The following PTPN9 variants were observed in gnomAD, a reference collection of about 807,000 sequenced individuals.
PTPN9 encodes tyrosine-protein phosphatase non-receptor type 9.
In PTPN9, 26 loss-of-function variants were observed where a neutral mutation model predicts 69.8. The ratio of observed to expected loss-of-function variants is 0.37; its 90% confidence interval spans 0.27 to 0.52. The LOEUF is 0.52. Ranked by LOEUF, PTPN9 falls within the 20% of genes least tolerant of loss-of-function variation. The pLI, the probability that PTPN9 is intolerant of heterozygous loss-of-function variation, is 0.91. For missense variants in PTPN9, 549 were observed against 740.3 expected (o/e 0.74, Z 3.00); for synonymous variants, 274 against 272.5 (o/e 1.01, Z -0.05).
chr15:75,513,186 C>T (rs746431757), intron 5 of PTPN9: 49 of 445,592 alleles, frequency 1.1e-4, no homozygotes, highest in Non-Finnish European at 1.2e-4. Flanking sequence ...AAAAAAGAGA[C>T]GTAATAGCTT....
At chr15:75,527,050 G>A in intron 2 of PTPN9, 68 bp downstream of exon 2, 1 of 1,572,140 alleles carries the variant, frequency 6.4e-7, no homozygotes, top group African/African-American at 1.3e-5. Context: ...TGTGTGTCGA[G>A]CATGACAGGG....
At chr15:75,527,470 G>A (rs76312251) in intron 1 of PTPN9, among the ~76,000 whole-genome samples, 2,322 of 152,244 alleles carry the variant, frequency 0.015, 37 homozygotes, top group Middle Eastern at 0.045. Flanking sequence ...CCAGAAGCCA[G>A]ATCTAGGTTC....
At chr15:75,527,079 C>G in intron 2 of PTPN9, 39 bp downstream of exon 2, 1 of 1,612,476 alleles carries the variant, frequency 6.2e-7, no homozygotes, top group Non-Finnish European at 8.5e-7. Context: ...AACACTTAAC[C>G]CAACTGCCAC....
At chr15:75,520,020 C>A (rs1055780206) in intron 4 of PTPN9, among the ~76,000 whole-genome samples, 1 of 152,090 alleles carries the variant, frequency 6.6e-6, no homozygotes, top group African/African-American at 2.4e-5. Flanking sequence ...GTCCCAGCTC[C>A]TTGGGAGACA....
intron 1 of PTPN9, among the ~76,000 whole-genome samples, chr15:75,555,753 C>A (rs1340496064): frequency 6.6e-6 from 1 of 152,004 alleles, no homozygotes; most frequent in Non-Finnish European, 1.5e-5. Context: ...AATCCACCCA[C>A]CTCGGCTTCC....
intron 1 of PTPN9, among the ~76,000 whole-genome samples, chr15:75,566,760 G>A (rs1184560564): frequency 6.6e-6 from 1 of 152,072 alleles, no homozygotes; most frequent in East Asian, 1.9e-4. Context: ...GGCTGAAGCG[G>A]AAGGATAGCT....
intron 8 of PTPN9, among the ~76,000 whole-genome samples, chr15:75,489,739 A>T (rs937630844): frequency 3.3e-5 from 5 of 152,238 alleles, no homozygotes; most frequent in African/African-American, 4.8e-5. Context: ...ATATTAAATA[A>T]TATAGTCATT....
chr15:75,496,280 TAAA>T (rs748668415), intron 7 of PTPN9, among the ~76,000 whole-genome samples: 1 of 138,560 alleles, frequency 7.2e-6, no homozygotes. Flanking sequence ...TTCTAAAAAT[TAAA>T]AAAAAAAAAA....
At chr15:75,560,139 CAAA>C (rs34674711) in intron 1 of PTPN9, among the ~76,000 whole-genome samples, 8 of 132,280 alleles carry the variant, frequency 6.0e-5, no homozygotes, top group South Asian at 2.5e-4. Context: ...GACTCCATCT[CAAA>C]AAAAAAAAAA....
intron 5 of PTPN9, among the ~76,000 whole-genome samples, chr15:75,514,251 G>A (rs903758885): frequency 6.6e-6 from 1 of 151,058 alleles, no homozygotes. Flanking sequence ...CCACACCCAT[G>A]AAAAGGGCCG....
rs534793766 is a variant in PTPN9, at chr15:75,498,313, T to C, written c.968+7362A>G. On this transcript the variant is annotated intron_variant, in intron 7 of 12. Coordinates refer to ENST00000618819, the MANE Select transcript of PTPN9 (RefSeq NM_002833.4). The stretch of plus-strand genomic sequence containing the variant: ...TTTTTTACATTTTATGTAATGTTAC[T>C]TGATATAACAACAATTTGGAAAGGA... Among the ~76,000 whole-genome samples, 6 of 152,182 alleles carry C rather than the reference T, an allele frequency of 3.9e-5. No homozygotes were observed. The East Asian group carries it at 1.2e-3, about 29-fold the overall frequency.
rs530099780 is a variant in PTPN9 at position 75,464,186 on chromosome 15, C to T, written c.*4583G>A. 1 of 152,572 alleles carries T rather than the reference C, an allele frequency of 6.6e-6. No homozygotes were observed. Among genetic ancestry groups the T allele is most frequent in the Non-Finnish European group, 1.5e-5 (1 of 68,358 alleles). The allele number at this position is 152,572 out of a possible 1,614,324, so 9.5% of individuals were successfully genotyped here. On this transcript the variant is annotated 3_prime_UTR_variant, in exon 13 of 13. Coordinates refer to ENST00000618819, the MANE Select transcript of PTPN9 (RefSeq NM_002833.4). ...AGAGGCTGGGTGTGGTGGCCCATGC[C>T]TGTAATCCTCTCACTTTGGGAGGCC...
intron 4 of PTPN9, among the ~76,000 whole-genome samples, chr15:75,518,743 A>G (rs904651739): frequency 8.6e-5 from 13 of 151,666 alleles, no homozygotes; most frequent in African/African-American, 2.7e-4. Context: ...CCTGAGCCCA[A>G]GAGGCAGAGG....
intron 1 of PTPN9, among the ~76,000 whole-genome samples, chr15:75,567,278 A>G (rs1202371300): frequency 6.6e-6 from 1 of 152,144 alleles, no homozygotes; most frequent in African/African-American, 2.4e-5. Flanking sequence ...TTGGCCTCCC[A>G]AAGTGCTGGG....
chr15:75,502,138 AAGAAG>A (rs780758011), intron 7 of PTPN9, among the ~76,000 whole-genome samples: 10 of 152,108 alleles, frequency 6.6e-5, no homozygotes, highest in Non-Finnish European at 8.8e-5. Context: ...AGAAGAAGAA[AAGAAG>A]AGAAGAGAAA....
In PTPN9 at chr15:75,468,971, G is replaced by A. The variant is rs748504854; in HGVS notation, c.1580C>T (p.Ser527Leu). ...AGIGRTGTFC[S>L]LDICLAQLEE... ...CAGCTGTGCCAGGCAGATGTCCAGTGAGCAGAAGGTACCTGAAGAAGGAAG... is the reference window on the plus strand; with the variant it reads ...CAGCTGTGCCAGGCAGATGTCCAGTAAGCAGAAGGTACCTGAAGAAGGAAG... The change falls in exon 13 of 13, where the codon TCA becomes TTA. Residue 527 changes from serine to leucine, a missense_variant. Transcript: ENST00000618819. 1 of 1,612,368 alleles carries A rather than the reference G, an allele frequency of 6.2e-7. No homozygotes were observed. The highest frequency in any genetic ancestry group is 1.7e-5 in the Admixed American group (1 of 59,974).
At chr15:75,494,544 G>T (rs1270641751) in intron 7 of PTPN9, among the ~76,000 whole-genome samples, 2 of 151,602 alleles carry the variant, frequency 1.3e-5, no homozygotes, top group African/African-American at 2.4e-5. Flanking sequence ...GCAGAGACGG[G>T]GTTTCGCCAT....
intron 1 of PTPN9, among the ~76,000 whole-genome samples, chr15:75,530,656 T>A (rs1489251143): frequency 1.5e-4 from 9 of 60,198 alleles, no homozygotes; most frequent in African/African-American, 3.5e-4. Context: ...TATATATTAT[T>A]ATATAATATA....
At chr15:75,552,252 AG>A (rs1274304733) in intron 1 of PTPN9, among the ~76,000 whole-genome samples, 1 of 150,666 alleles carries the variant, frequency 6.6e-6, no homozygotes, top group African/African-American at 2.4e-5. Flanking sequence ...AAAAAAAAGT[AG>A]AAAATTAACG....
Sources: gnomAD v4.1 joint callset for allele counts (sites outside exome capture counted in the v4.1 genomes callset) on GRCh38, gnomAD v4.1.1 for gene constraint, MANE v1.5 for transcripts, NCBI Gene and HGNC (gene_info 2026-07-23, HGNC 2026-07-21) for gene names.